H6PD: variants seen among roughly 807,000 people sequenced by gnomAD.
H6PD encodes the protein GDH/6PGL endoplasmic bifunctional protein.
Under a neutral mutation model 61.2 loss-of-function variants are expected in H6PD, and 48 were observed. That is an observed-to-expected ratio of 0.78 (90% CI 0.62 to 1.00). H6PD has a LOEUF of 1.00. Ranked by LOEUF, H6PD falls within the 50% of genes least tolerant of loss-of-function variation. H6PD has a pLI of 0.00. For synonymous variants in H6PD, 480 were observed against 457.9 expected, an observed-to-expected ratio of 1.05 and a Z score of -0.62; for missense variants, 1,093 against 1,065.0, an observed-to-expected ratio of 1.03 and a Z score of -0.37.
intron 3 of H6PD, among the ~76,000 whole-genome samples, chr1:9,251,587 G>A (rs1204596426): frequency 6.6e-6 from 1 of 152,184 alleles, no homozygotes; most frequent in Non-Finnish European, 1.5e-5. Context: ...TGACCGTTCA[G>A]TGCCTCTCAC....
Position 9,244,837 on chromosome 1 carries a change from A to G in H6PD, c.-10-88A>G. The stretch of plus-strand genomic sequence containing the variant: ...AAGAAACACGTGGTGGTTTCTTGCC[A>G]GGCAGGAAGTGTTTGTTTCCACATC... On this transcript the variant is annotated intron_variant, in intron 1 of 4. Coordinates refer to ENST00000377403, the MANE Select transcript of H6PD (RefSeq NM_004285.4). 4 of 1,214,364 alleles carry G rather than the reference A, an allele frequency of 3.3e-6. No individual in the cohort carries two copies. The South Asian group carries it at 4.9e-5, about 15-fold the overall frequency. 75.2% of individuals were successfully genotyped at this position (1,214,364 alleles called of 1,614,324 possible).
At position 9,262,406 on chromosome 1, in the gene H6PD, G is replaced by T. The variant is rs1246958084; in HGVS notation, c.1015+78G>T. The T allele has an allele frequency of 1.3e-5, 18 of 1,347,416 alleles. No homozygotes were observed. In the East Asian group the frequency reaches 3.7e-4, roughly 28 times the overall value. 83.5% of individuals were successfully genotyped at this position (1,347,416 alleles called of 1,614,324 possible). On this transcript the variant is annotated intron_variant, in intron 4 of 4. Transcript: ENST00000377403. ...AGCTTTCCAAATGCAGACGCCCTTG[G>T]GTGGAGTGGAGGGGACTTGAGGTGG...
chr1:9,249,458 C>T (rs548119827), intron 3 of H6PD, among the ~76,000 whole-genome samples: 3 of 152,164 alleles, frequency 2.0e-5, no homozygotes, highest in Non-Finnish European at 4.4e-5. Flanking sequence ...GCTGGCTGTC[C>T]TCAAGGTCCA....
intron 1 of H6PD, chr1:9,242,943 G>A: frequency 1.0e-6 from 1 of 985,470 alleles, no homozygotes; most frequent in Non-Finnish European, 1.2e-6. Flanking sequence ...TGGAAAGCAG[G>A]AGGAAAAAGC....
chr1:9,264,901 T>C lies in H6PD; in HGVS notation c.*32T>C, dbSNP rs1485271080. The C allele has an allele frequency of 6.2e-7, 1 of 1,607,480 alleles. No homozygotes were observed. The highest frequency in any genetic ancestry group is 8.5e-7 in the Non-Finnish European group (1 of 1,179,308). On this transcript the variant is annotated 3_prime_UTR_variant, in exon 5 of 5. Coordinates refer to ENST00000377403, the MANE Select transcript of H6PD (RefSeq NM_004285.4). Reference sequence around the variant, plus strand: ...CTGTGCCCCTTGCCCGCTTCGCTCCTGTGCTTTCCTTCGCCCGTGTCTTCC... The same window carrying C: ...CTGTGCCCCTTGCCCGCTTCGCTCCCGTGCTTTCCTTCGCCCGTGTCTTCC...
chr1:9,260,197 T>C (rs1468036399), intron 3 of H6PD, among the ~76,000 whole-genome samples: 1 of 152,054 alleles, frequency 6.6e-6, no homozygotes, highest in Admixed American at 6.5e-5. Flanking sequence ...CTGGTGTTGT[T>C]ACATTGCTGT....
intron 1 of H6PD, chr1:9,242,478 G>T (rs1323177272): frequency 1.7e-6 from 1 of 587,322 alleles, no homozygotes; most frequent in Admixed American, 6.3e-5. Context: ...AGGAGTGCTG[G>T]CAACATAACA....
intron 3 of H6PD, among the ~76,000 whole-genome samples, chr1:9,259,408 T>G (rs562286523): frequency 9.8e-5 from 15 of 152,316 alleles, no homozygotes; most frequent in African/African-American, 3.4e-4. Flanking sequence ...GGTGGTGGTG[T>G]TACAACAACT....
chr1:9,265,079 A>T lies in H6PD; in HGVS notation c.*210A>T. ...TGGTGGATAGATGCAGAAACAAGGA[A>T]GAAATGGAGTCTGCTCCTGAGAAGC... On this transcript the variant is annotated 3_prime_UTR_variant, in exon 5 of 5. Coordinates refer to ENST00000377403, the MANE Select transcript of H6PD (RefSeq NM_004285.4). 1 of 629,486 alleles carries T rather than the reference A, an allele frequency of 1.6e-6. No homozygotes were observed. The allele number at this position is 629,486 out of a possible 1,614,324, so 39.0% of individuals were successfully genotyped here.
rs746574997 is a variant in H6PD at position 9,262,231 on chromosome 1, C to T, written c.918C>T (p.Gly306=). The T allele has an allele frequency of 3.7e-6, 6 of 1,613,554 alleles. No individual in the cohort carries two copies. Among genetic ancestry groups the T allele is most frequent in the Admixed American group, 3.3e-5 (2 of 59,942 alleles). Residue 306 remains glycine (G), a synonymous_variant, in exon 4 of 5, where the codon GGC becomes GGT. Transcript: ENST00000377403. ...AGGCGCTGCGGGGCCTGCAGAGGGG[C>T]AGTGCCGTCGTGGGCCAGTACCAGT... ...VFQALRGLQR[G]SAVVGQYQSY... is the part of the protein sequence containing the mutation.
At position 9,271,309 on chromosome 1, in the gene H6PD, T is replaced by G. The variant is rs1638740691; in HGVS notation, c.*6440T>G. 6.6e-6 allele frequency: 1 copy of G among 152,272 alleles called. No individual in the cohort carries two copies. The highest frequency in any genetic ancestry group is 2.4e-5 in the African/African-American group (1 of 41,460). 9.4% of individuals were successfully genotyped at this position (152,272 alleles called of 1,614,324 possible). ...TCTATGTCAAATGTAACGTTTATTT[T>G]TTTAAACAATAAAATTGATTTGCCA... is the stretch of plus-strand genomic sequence containing the variant. On this transcript the variant is annotated 3_prime_UTR_variant, in exon 5 of 5. Transcript: ENST00000377403.
intron 4 of H6PD, among the ~76,000 whole-genome samples, 198 bp downstream of exon 4, chr1:9,262,526 C>T (rs1557749605): frequency 6.6e-6 from 1 of 152,228 alleles, no homozygotes; most frequent in Non-Finnish European, 1.5e-5. Context: ...GTGGTGCCCT[C>T]AGGGCGAAGG....
In H6PD at chr1:9,267,550, C is replaced by T. The variant is rs928588668; in HGVS notation, c.*2681C>T. The T allele has an allele frequency of 4.6e-5, 7 of 152,284 alleles. No homozygotes were observed. Among genetic ancestry groups the T allele is most frequent in the African/African-American group, 1.7e-4 (7 of 41,450 alleles). The allele number at this position is 152,284 out of a possible 1,614,324, so 9.4% of individuals were successfully genotyped here. A position where few individuals can be genotyped will look rare whatever the true frequency, so the allele number is the denominator to read the frequency against. ...GTCACTGCCGCCGAGTCTAGGATGTCCTGTTCTAACTCAGCCCTGCCTCGG... is the reference window on the plus strand; with the variant it reads ...GTCACTGCCGCCGAGTCTAGGATGTTCTGTTCTAACTCAGCCCTGCCTCGG... On this transcript the variant is annotated 3_prime_UTR_variant, in exon 5 of 5. Coordinates refer to ENST00000377403, the MANE Select transcript of H6PD (RefSeq NM_004285.4).
intron 1 of H6PD, chr1:9,242,646 G>T: frequency 1.0e-6 from 1 of 985,474 alleles, no homozygotes; most frequent in South Asian, 4.7e-5. Flanking sequence ...TTCTGGGGTG[G>T]GGGCAGAGGT....
At chr1:9,251,808 C>A (rs1480494012) in intron 3 of H6PD, among the ~76,000 whole-genome samples, 1 of 152,062 alleles carries the variant, frequency 6.6e-6, no homozygotes, top group Non-Finnish European at 1.5e-5. Flanking sequence ...TCTCCTTGGC[C>A]CTCACCTCTT....
intron 3 of H6PD, among the ~76,000 whole-genome samples, chr1:9,259,155 C>T (rs1282153764): frequency 1.3e-5 from 2 of 152,214 alleles, no homozygotes; most frequent in Non-Finnish European, 2.9e-5. Context: ...CCACGCCCAG[C>T]TAATTTTTTG....
At chr1:9,253,863 T>C (rs1044366257) in intron 3 of H6PD, among the ~76,000 whole-genome samples, 1 of 152,240 alleles carries the variant, frequency 6.6e-6, no homozygotes, top group African/African-American at 2.4e-5. Flanking sequence ...TCTTACAGCA[T>C]CTGTCATAAG....
At chr1:9,263,086 G>A (rs1282084330) in intron 4 of H6PD, among the ~76,000 whole-genome samples, 6 of 152,024 alleles carry the variant, frequency 3.9e-5, no homozygotes, top group South Asian at 2.1e-4. Flanking sequence ...CCTGCGTCGG[G>A]TGCATCCTGA....
intron 1 of H6PD, among the ~76,000 whole-genome samples, chr1:9,236,070 A>G (rs1012763225): frequency 3.8e-4 from 57 of 151,824 alleles, no homozygotes; most frequent in African/African-American, 1.3e-3. Context: ...GCCCACTGCA[A>G]CCTTCTCCTC....
Sources: gnomAD v4.1 joint callset for allele counts (sites outside exome capture counted in the v4.1 genomes callset) on GRCh38, gnomAD v4.1.1 for gene constraint, MANE v1.5 for transcripts, NCBI Gene and HGNC (gene_info 2026-07-23, HGNC 2026-07-21) for gene names.